COL15A1: variants seen among roughly 807,000 people sequenced by gnomAD.
COL15A1 encodes the protein collagen alpha-1(XV) chain.
In COL15A1, 111 loss-of-function variants were observed where a neutral mutation model predicts 165.9. The observed-to-expected ratio is 0.67, with a 90% CI of 0.57 to 0.78. The LOEUF (loss-of-function observed/expected upper bound fraction) is 0.78. COL15A1 is among the 30% of genes least tolerant of loss of function. COL15A1 has a pLI of 0.00. For missense variants in COL15A1, 1,745 were observed against 1,789.7 expected (o/e 0.98, Z 0.45); for synonymous variants, 659 against 674.8 (o/e 0.98, Z 0.36).
intron 30 of COL15A1, 64 bp downstream of exon 30, chr9:99,049,959 T>C: frequency 6.2e-7 from 1 of 1,605,194 alleles, no homozygotes; most frequent in Non-Finnish European, 8.5e-7. Context: ...GAGAAAAAGA[T>C]CAGTCTTTGT....
chr9:98,960,090 G>A (rs1837842410), intron 2 of COL15A1, among the ~76,000 whole-genome samples: 1 of 152,148 alleles, frequency 6.6e-6, no homozygotes, highest in South Asian at 2.1e-4. Flanking sequence ...AGCAGCATGG[G>A]CATCATCCAG....
intron 30 of COL15A1, among the ~76,000 whole-genome samples, chr9:99,050,223 A>G (rs544292150): frequency 3.9e-5 from 6 of 152,336 alleles, no homozygotes; most frequent in African/African-American, 1.4e-4. Context: ...GAAAACATAG[A>G]TTAGAAAACA....
In COL15A1 at chr9:98,985,843, G is replaced by T; in HGVS notation, c.379G>T (p.Val127Leu). 6.2e-7 allele frequency: 1 copy of T among 1,613,896 alleles called. No homozygotes were observed. Among genetic ancestry groups the T allele is most frequent in the Non-Finnish European group, 8.5e-7 (1 of 1,180,052 alleles). ...CTACCTGGGCCTGCGGCTCTCAGGT[G>T]TGGAGGACGGCCACCAGCGGATCAT... ...VIYLGLRLSG[V>L]EDGHQRIILY... is the part of the protein sequence containing the mutation. The change falls in exon 3 of 42, where the codon GTG becomes TTG. Residue 127 changes from valine to leucine, a missense_variant. Val to Leu is a conservative substitution (Grantham distance 32). Coordinates refer to ENST00000375001, the MANE Select transcript of COL15A1 (RefSeq NM_001855.5).
rs775405793 is a variant in COL15A1, at chr9:99,054,578, G to A, written c.2953G>A (p.Val985Ile). 9.9e-6 allele frequency: 16 copies of A among 1,610,934 alleles called. No individual in the cohort carries two copies. The East Asian group carries it at 1.6e-4, about 16-fold the overall frequency. ...GSPELITFHG[V>I]KGEKGSWGLP... Reference sequence around the variant, plus strand: ...AACATGTATGTGTTTGGTGGCAGGTGTTAAAGGAGAGAAAGGATCCTGGGG... The same window carrying A: ...AACATGTATGTGTTTGGTGGCAGGTATTAAAGGAGAGAAAGGATCCTGGGG... The change falls in exon 32 of 42, where the codon GTT becomes ATT. Residue 985 changes from valine to isoleucine, a missense_variant and splice_region_variant. By Grantham distance (29) the Val-to-Ile change is conservative (BLOSUM62 3). Coordinates refer to ENST00000375001, the MANE Select transcript of COL15A1 (RefSeq NM_001855.5).
Position 98,963,244 on chromosome 9 carries a change from C to A in COL15A1, c.100+18994C>A, listed in dbSNP as rs73653628. On this transcript the variant is annotated intron_variant, in intron 2 of 41. Transcript: ENST00000375001. ...ATTTATGCACCTTAGGTAGCTAGGA[C>A]CCACTGGGCCTCACTTCTCACAATG... Among the ~76,000 whole-genome samples, 333 of 151,416 alleles carry A rather than the reference C, an allele frequency of 2.2e-3. 12 individuals carry two copies. In the East Asian group the frequency reaches 0.061, roughly 28 times the overall value.
chr9:99,056,443 T>G lies in COL15A1; in HGVS notation c.3337+39T>G. 3 of 1,555,302 alleles carry G rather than the reference T, an allele frequency of 1.9e-6. No individual in the cohort carries two copies. The African/African-American group carries it at 4.1e-5, about 21-fold the overall frequency. Reference sequence around the variant, plus strand: ...ACAGTGCCCTTGTTCATGCTGTCCCTACCATTGTGTTCAAGGTCACAGCAT... The same window carrying G: ...ACAGTGCCCTTGTTCATGCTGTCCCGACCATTGTGTTCAAGGTCACAGCAT... On this transcript the variant is annotated intron_variant, in intron 35 of 41. Transcript: ENST00000375001.
At chr9:99,002,868 A>C (rs1330808783) in intron 7 of COL15A1, among the ~76,000 whole-genome samples, 2 of 152,236 alleles carry the variant, frequency 1.3e-5, no homozygotes, top group African/African-American at 4.8e-5. Context: ...ACATTTTTGC[A>C]ATAAATAAAC....
chr9:98,958,121 T>C (rs1837808492), intron 2 of COL15A1, among the ~76,000 whole-genome samples: 1 of 152,250 alleles, frequency 6.6e-6, no homozygotes, highest in Non-Finnish European at 1.5e-5. Context: ...CGGGACATGG[T>C]GGAGACTCTC....
chr9:99,015,142 C>T (rs1225970317), intron 9 of COL15A1, among the ~76,000 whole-genome samples: 1 of 151,774 alleles, frequency 6.6e-6, no homozygotes, highest in Non-Finnish European at 1.5e-5. Flanking sequence ...TTTGGGGATC[C>T]TGAGATTTAT....
At position 98,978,052 on chromosome 9, in the gene COL15A1, G is replaced by T. The variant is rs1310315886; in HGVS notation, c.101-7513G>T. Among the ~76,000 whole-genome samples, 5 of 152,256 alleles carry T rather than the reference G, an allele frequency of 3.3e-5. No homozygotes were observed. The East Asian group carries it at 9.6e-4, about 29-fold the overall frequency. On this transcript the variant is annotated intron_variant, in intron 2 of 41. Coordinates refer to ENST00000375001, the MANE Select transcript of COL15A1 (RefSeq NM_001855.5). Reference sequence around the variant, plus strand: ...CCAGCTCTGGGACTCGTGGTACCAAGACTCTGTCCACCCTTGCTTGGCTGC... The same window carrying T: ...CCAGCTCTGGGACTCGTGGTACCAATACTCTGTCCACCCTTGCTTGGCTGC...
intron 26 of COL15A1, among the ~76,000 whole-genome samples, chr9:99,045,181 C>T (rs928522): frequency 0.19 from 28,653 of 152,094 alleles, 3,029 homozygotes; most frequent in East Asian, 0.3. Flanking sequence ...AAAACCCAGA[C>T]GCTTGTGGCC....
In COL15A1 at chr9:99,062,438, A is replaced by G; in HGVS notation, c.3591+134A>G. 5.6e-6 allele frequency: 4 copies of G among 709,862 alleles called. No individual in the cohort carries two copies. In the South Asian group the frequency reaches 6.4e-5, roughly 11 times the overall value. The allele number at this position is 709,862 out of a possible 1,614,324, so 44.0% of individuals were successfully genotyped here. ...ACGGTTTAGTATCTGGTGAAATCCT[A>G]GAAATTAATGGGTGCTAACAGGAGG... On this transcript the variant is annotated intron_variant, in intron 38 of 41. Coordinates refer to ENST00000375001, the MANE Select transcript of COL15A1 (RefSeq NM_001855.5).
At chr9:98,948,327 G>A (rs1018161036) in intron 2 of COL15A1, among the ~76,000 whole-genome samples, 4 of 152,072 alleles carry the variant, frequency 2.6e-5, no homozygotes, top group African/African-American at 7.2e-5. Flanking sequence ...GGCCGGGCGC[G>A]GTGGCTCACA....
chr9:98,959,278 C>T (rs1837829848), intron 2 of COL15A1, among the ~76,000 whole-genome samples: 1 of 149,880 alleles, frequency 6.7e-6, no homozygotes, highest in Non-Finnish European at 1.5e-5. Flanking sequence ...GGTGTGGTGG[C>T]ATGAACCTGT....
chr9:99,047,145 C>A (rs1839504691), intron 26 of COL15A1, among the ~76,000 whole-genome samples: 2 of 152,140 alleles, frequency 1.3e-5, no homozygotes, highest in African/African-American at 4.8e-5. Flanking sequence ...AGTTTACATC[C>A]CAGACATTAG....
At chr9:98,977,109 G>T (rs536467408) in intron 2 of COL15A1, among the ~76,000 whole-genome samples, 34 of 152,194 alleles carry the variant, frequency 2.2e-4, no homozygotes, top group Non-Finnish European at 4.1e-4. Context: ...CACTCTGTGT[G>T]CTAAGCAGTG....
rs755467932 is a variant in COL15A1 at position 98,985,638 on chromosome 9, C to T, written c.174C>T (p.Val58=). ...CGCTGCCCTCGTCCGTATCCTTTGT[C>T]ACAGGCTATGGTGGCTTCCCGGCCT... ...GVPLPSSVSF[V]TGYGGFPAYS... is the part of the protein sequence containing the mutation. The change falls in exon 3 of 42, where the codon GTC becomes GTT. Residue 58 remains valine (V), a synonymous_variant. Transcript: ENST00000375001. 1.2e-6 allele frequency: 2 copies of T among 1,614,284 alleles called. No homozygotes were observed. Among genetic ancestry groups the T allele is most frequent in the Non-Finnish European group, 1.7e-6 (2 of 1,180,052 alleles).
chr9:98,980,402 G>GCGA (rs999377134), intron 2 of COL15A1, among the ~76,000 whole-genome samples: 2 of 152,248 alleles, frequency 1.3e-5, no homozygotes, highest in Non-Finnish European at 2.9e-5. Context: ...TTCAGGGGAA[G>GCGA]CGAGGCCTGG....
At chr9:99,045,086 G>A (rs927038427) in intron 26 of COL15A1, among the ~76,000 whole-genome samples, 11 of 152,114 alleles carry the variant, frequency 7.2e-5, no homozygotes, top group African/African-American at 1.2e-4. Flanking sequence ...ATTCAAGGTC[G>A]CACAGGAGCT....
Sources: gnomAD v4.1 joint callset for allele counts (sites outside exome capture counted in the v4.1 genomes callset) on GRCh38, gnomAD v4.1.1 for gene constraint, MANE v1.5 for transcripts, NCBI Gene and HGNC (gene_info 2026-07-23, HGNC 2026-07-21) for gene names.